ANKRD24: variants seen among roughly 807,000 people sequenced by gnomAD.
ANKRD24 encodes ankyrin repeat domain 24.
In ANKRD24, 109 loss-of-function variants were observed where a neutral mutation model predicts 127.8. That is an observed-to-expected ratio of 0.85 (90% confidence interval 0.73 to 1.00). The LOEUF (loss-of-function observed/expected upper bound fraction) is 1.00. ANKRD24 is among the 50% of genes least tolerant of loss of function. The pLI is 0.00. For missense variants in ANKRD24, 1,648 were observed against 1,570.2 expected (o/e 1.05, Z -0.84); for synonymous variants, 743 against 671.1 (o/e 1.11, Z -1.66).
rs147723321 is a variant in ANKRD24 at position 4,211,986 on chromosome 19, G to A, written c.1060-489G>A. ...GAGGCTGAGACAGGCGGATCACGAGGTCAGCAGATCGAGACCATCCTGGCT... is the reference window on the plus strand; with the variant it reads ...GAGGCTGAGACAGGCGGATCACGAGATCAGCAGATCGAGACCATCCTGGCT... On this transcript the variant is annotated intron_variant, in intron 13 of 21. Coordinates refer to ENST00000318934, the MANE Select transcript of ANKRD24 (RefSeq NM_001393985.1). Among the ~76,000 whole-genome samples the A allele has an allele frequency of 3.0e-3, 457 of 152,232 alleles. 3 individuals are homozygous for A. The highest frequency in any genetic ancestry group is 0.011 in the African/African-American group (438 of 41,550).
Position 4,199,971 on chromosome 19 carries a change from G to A in ANKRD24, c.220G>A (p.Val74Met). The A allele has an allele frequency of 1.3e-6, 2 of 1,564,934 alleles. No homozygotes were observed. Among genetic ancestry groups the A allele is most frequent in the Non-Finnish European group, 1.7e-6 (2 of 1,154,936 alleles). Reference sequence around the variant, plus strand: ...CGCCCTCATCGCCCGCAAGGGGCTGGTGCCCACGAAGCTAGACCCCGAGGG... The same window carrying A: ...CGCCCTCATCGCCCGCAAGGGGCTGATGCCCACGAAGCTAGACCCCGAGGG... Reference protein sequence around the residue: ...VAALIARKGLVPTKLDPEGKS... With the variant: ...VAALIARKGLMPTKLDPEGKS... Residue 74 changes from valine to methionine, a missense_variant, in exon 4 of 22, where the codon GTG becomes ATG. Transcript: ENST00000318934. The surrounding 1 kb of genome is among the most constrained non-coding windows in gnomAD (Gnocchi z 5.2).
Position 4,198,459 on chromosome 19 carries a change from C to T in ANKRD24, c.37-1224C>T, listed in dbSNP as rs764057979. ...TCTGGCCGCCGCCTCCTCTTGGAAC[C>T]CCGTGCGCCCCCCGCGCCCCGCGCC... On this transcript the variant is annotated intron_variant, in intron 2 of 21. Transcript: ENST00000318934. The surrounding 1 kb of genome is among the most constrained non-coding windows in gnomAD (Gnocchi z 6.1). 80 of 615,552 alleles carry T rather than the reference C, an allele frequency of 1.3e-4. 1 individual carries two copies. The South Asian group carries it at 1.4e-3, about 10-fold the overall frequency. The allele number at this position is 615,552 out of a possible 1,614,324, so 38.1% of individuals were successfully genotyped here.
chr19:4,186,973 G>C (rs894951806), intron 2 of ANKRD24, among the ~76,000 whole-genome samples: 1 of 152,172 alleles, frequency 6.6e-6, no homozygotes, highest in African/African-American at 2.4e-5. Context: ...AGATAAATAA[G>C]TGACAATGTG....
chr19:4,215,582 C>T (rs1421536472), intron 15 of ANKRD24, among the ~76,000 whole-genome samples: 2 of 138,044 alleles, frequency 1.4e-5, no homozygotes, highest in Non-Finnish European at 3.0e-5. Flanking sequence ...GCCTGGGCGA[C>T]GTGACGAGAC....
chr19:4,210,722 C>T (rs1398187850), intron 13 of ANKRD24, among the ~76,000 whole-genome samples: 4 of 106,302 alleles, frequency 3.8e-5, no homozygotes, highest in African/African-American at 1.1e-4. Context: ...CTTCCCATGC[C>T]CACTTCCCAT....
At chr19:4,221,187 C>G (rs925008341) in intron 19 of ANKRD24, among the ~76,000 whole-genome samples, 2 of 151,968 alleles carry the variant, frequency 1.3e-5, no homozygotes, top group African/African-American at 4.8e-5. Flanking sequence ...AAGAGATTCT[C>G]CTGCCTAGCC....
intron 18 of ANKRD24, 33 bp downstream of exon 18, chr19:4,218,196 C>T: frequency 7.1e-7 from 1 of 1,411,168 alleles, no homozygotes; most frequent in Non-Finnish European, 9.3e-7. Context: ...CGGGCCCCAC[C>T]CCCATTGGCC....
chr19:4,223,401 A>ATTTTTTT (rs1173862080), intron 20 of ANKRD24, among the ~76,000 whole-genome samples: 2 of 53,344 alleles, frequency 3.7e-5, no homozygotes, highest in African/African-American at 1.9e-4. Flanking sequence ...ATATATATAT[A>ATTTTTTT]TTTTTTTTTT....
At chr19:4,216,497 C>T (rs1970079865) in intron 17 of ANKRD24, 53 bp from the exon 18 acceptor site, 3 of 1,562,148 alleles carry the variant, frequency 1.9e-6, no homozygotes, top group East Asian at 2.4e-5. Context: ...GCCCTGTGTC[C>T]CCACGGTCAC....
At chr19:4,184,768 A>G (rs1337362089) in intron 1 of ANKRD24, among the ~76,000 whole-genome samples, 1 of 152,102 alleles carries the variant, frequency 6.6e-6, no homozygotes, top group Admixed American at 6.5e-5. Flanking sequence ...GGGGTAGATG[A>G]ATGGATGGGT....
At chr19:4,218,549 C>T (rs945811447) in intron 18 of ANKRD24, among the ~76,000 whole-genome samples, 1 of 152,068 alleles carries the variant, frequency 6.6e-6, no homozygotes, top group African/African-American at 2.4e-5. Flanking sequence ...ATCCACCCAC[C>T]TCAGCCTCTC....
chr19:4,194,358 G>T (rs1346533897), intron 2 of ANKRD24, among the ~76,000 whole-genome samples: 14 of 152,012 alleles, frequency 9.2e-5, no homozygotes, highest in Admixed American at 7.9e-4. Flanking sequence ...TCACCATGTT[G>T]GCCAGGCTGG....
At chr19:4,205,966 C>T (rs1398392913) in intron 7 of ANKRD24, among the ~76,000 whole-genome samples, 1 of 151,056 alleles carries the variant, frequency 6.6e-6, no homozygotes, top group Non-Finnish European at 1.5e-5. Context: ...CACGGTGAAA[C>T]CCCGTCTCTA....
At position 4,208,756 on chromosome 19, in the gene ANKRD24, C is replaced by T; in HGVS notation, c.833-8C>T. 1 of 1,612,408 alleles carries T rather than the reference C, an allele frequency of 6.2e-7. No individual in the cohort carries two copies. The highest frequency in any genetic ancestry group is 8.5e-7 in the Non-Finnish European group (1 of 1,179,268). ...AGAATGCCTGACCCTGCTTCCCTCT[C>T]TCCCCAGCCCTCACAGAGGATGATT... On this transcript the variant is annotated splice_polypyrimidine_tract_variant and splice_region_variant and intron_variant, in intron 10 of 21. Transcript: ENST00000318934.
chr19:4,212,381 G>T, intron 13 of ANKRD24, 94 bp from the exon 14 acceptor site: 1 of 1,418,100 alleles, frequency 7.1e-7, no homozygotes, highest in African/African-American at 1.4e-5. Flanking sequence ...CGTGGAATGC[G>T]TGAATGTGCA....
chr19:4,182,839 A>G lies in ANKRD24; in HGVS notation c.-37+99A>G, dbSNP rs1967803549. On this transcript the variant is annotated intron_variant, in intron 1 of 21. Transcript: ENST00000318934. ...TCTCCAGTCACCTCTAAAATGCGGG[A>G]CACAGGCTATCCATGTCCCCACAAC... 3 of 719,092 alleles carry G rather than the reference A, an allele frequency of 4.2e-6. No individual in the cohort carries two copies. The South Asian group carries it at 1.9e-4, about 45-fold the overall frequency. 44.5% of individuals were successfully genotyped at this position (719,092 alleles called of 1,614,324 possible).
chr19:4,215,221 C>T (rs1018102335), intron 15 of ANKRD24, among the ~76,000 whole-genome samples: 6 of 152,228 alleles, frequency 3.9e-5, no homozygotes, highest in Non-Finnish European at 7.3e-5. Context: ...CTCGGTGGCT[C>T]ACGCCTGTAA....
chr19:4,212,880 C>G (rs1165151313), intron 15 of ANKRD24, among the ~76,000 whole-genome samples, 182 bp downstream of exon 15: 1 of 152,242 alleles, frequency 6.6e-6, no homozygotes, highest in African/African-American at 2.4e-5. Context: ...CGCCTGTCAT[C>G]CCAGCACTTT....
chr19:4,212,451 C>A, intron 13 of ANKRD24, 24 bp from the exon 14 acceptor site: 1 of 1,574,202 alleles, frequency 6.4e-7, no homozygotes, highest in East Asian at 2.3e-5. Flanking sequence ...AGATCCAAAC[C>A]CCTGTCCCTG....
Sources: gnomAD v4.1 joint callset for allele counts (sites outside exome capture counted in the v4.1 genomes callset) on GRCh38, gnomAD v4.1.1 for gene constraint, Gnocchi (gnomAD v3.1) non-coding constraint, MANE v1.5 for transcripts, NCBI Gene and HGNC (gene_info 2026-07-23, HGNC 2026-07-21) for gene names.